The following TXNDC5 variants were observed in gnomAD, a reference collection of about 807,000 sequenced individuals.
The protein encoded by TXNDC5 is thioredoxin domain containing 5, also known as thioredoxin domain-containing protein 5.
In TXNDC5, 44 loss-of-function variants were observed where a neutral mutation model predicts 52.6. The observed-to-expected ratio is 0.84, with a 90% CI of 0.66 to 1.08. TXNDC5 has a LOEUF of 1.08. Among genes scored for constraint, TXNDC5 ranks in the 50% least tolerant of loss-of-function variants. The pLI is 0.00. For missense variants in TXNDC5, 600 were observed against 565.5 expected, an observed-to-expected ratio of 1.06 and a Z score of -0.62; for synonymous variants, 241 against 234.4, an observed-to-expected ratio of 1.03 and a Z score of -0.26.
chr6:7,887,097 C>A (rs1760008466), intron 7 of TXNDC5, among the ~76,000 whole-genome samples: 1 of 144,820 alleles, frequency 6.9e-6, no homozygotes, highest in South Asian at 2.2e-4. Flanking sequence ...ACTTCTTCAA[C>A]CAAAACGTCA....
At chr6:7,889,041 T>A in intron 6 of TXNDC5, 193 bp from the exon 7 acceptor site, 1 of 643,808 alleles carries the variant, frequency 1.6e-6, no homozygotes, top group Non-Finnish European at 2.5e-6. Context: ...GAGAGAACTG[T>A]ACAGGCCCCT....
Position 7,908,518 on chromosome 6 carries a change from TAA to T in TXNDC5, c.263+1994_263+1995del, listed in dbSNP as rs10708121. 2.9e-3 allele frequency among the ~76,000 whole-genome samples: 421 copies of T among 144,504 alleles called. 3 individuals are homozygous for T. Among genetic ancestry groups the T allele is most frequent in the African/African-American group, 6.3e-3 (250 of 39,506 alleles). 94.8% of individuals were successfully genotyped at this position (144,504 alleles called of 152,430 possible). A position where few individuals can be genotyped will look rare whatever the true frequency, so the allele number is the denominator to read the frequency against. On this transcript the variant is annotated intron_variant, in intron 1 of 9. Transcript: ENST00000379757. The stretch of plus-strand genomic sequence containing the variant: ...TTACATCTGCATGTCAGTTTTTCTT[TAA>T]AAAAAAAAAAAAAGTAAAGAATGGG...
At chr6:7,884,062 G>A (rs1294985157) in intron 9 of TXNDC5, among the ~76,000 whole-genome samples, 1 of 152,234 alleles carries the variant, frequency 6.6e-6, no homozygotes, top group African/African-American at 2.4e-5. Context: ...GAGTCGCGGT[G>A]TGGGAAGCCC....
intron 7 of TXNDC5, among the ~76,000 whole-genome samples, 169 bp from the exon 8 acceptor site, chr6:7,886,212 A>C (rs1759977469): frequency 6.6e-6 from 1 of 152,200 alleles, no homozygotes; most frequent in African/African-American, 2.4e-5. Flanking sequence ...GCTACACACA[A>C]AGGGAGGCTG....
In TXNDC5 at chr6:7,883,011, AG is replaced by A; in HGVS notation, c.*132del. ...GTTGGCTTGGAAAACACACACACAA[AG>A]AAGATACCTCACGCTTAGTATGTTC... On this transcript the variant is annotated 3_prime_UTR_variant, in exon 10 of 10. Coordinates refer to ENST00000379757, the MANE Select transcript of TXNDC5 (RefSeq NM_030810.5). 1 of 1,219,552 alleles carries A rather than the reference AG, an allele frequency of 8.2e-7. No individual in the cohort carries two copies. Among genetic ancestry groups the A allele is most frequent in the South Asian group, 1.5e-5 (1 of 67,240 alleles). 75.5% of individuals were successfully genotyped at this position (1,219,552 alleles called of 1,614,324 possible).
rs55914910 is a variant in TXNDC5 at position 7,907,165 on chromosome 6, C to CT, written c.264-2443dup. Among the ~76,000 whole-genome samples, 1,255 of 143,806 alleles carry CT rather than the reference C, an allele frequency of 8.7e-3. 7 individuals are homozygous for CT. Among genetic ancestry groups the CT allele is most frequent in the Middle Eastern group, 0.026 (7 of 272 alleles). The allele number at this position is 143,806 out of a possible 152,430, so 94.3% of individuals were successfully genotyped here. A position where few individuals can be genotyped will look rare whatever the true frequency, so the allele number is the denominator to read the frequency against. On this transcript the variant is annotated intron_variant, in intron 1 of 9. Coordinates refer to ENST00000379757, the MANE Select transcript of TXNDC5 (RefSeq NM_030810.5). ...TGTTTTGCTACTGCTTTTTTTTTCCCTTTTTTTTTTTTGAGAAAACACAAG... is the reference window on the plus strand; with the variant it reads ...TGTTTTGCTACTGCTTTTTTTTTCCCTTTTTTTTTTTTTGAGAAAACACAAG...
intron 3 of TXNDC5, among the ~76,000 whole-genome samples, chr6:7,897,794 T>G (rs911721060): frequency 1.3e-5 from 2 of 152,250 alleles, no homozygotes; most frequent in Non-Finnish European, 2.9e-5. Flanking sequence ...CTGGCTTTTT[T>G]GGTGAAATTT....
Position 7,895,198 on chromosome 6 carries a change from G to A in TXNDC5, c.524C>T (p.Pro175Leu). 1 of 1,612,204 alleles carries A rather than the reference G, an allele frequency of 6.2e-7. No individual in the cohort carries two copies. Among genetic ancestry groups the A allele is most frequent in the Non-Finnish European group, 8.5e-7 (1 of 1,179,192 alleles). ...LQTLNEEPVT[P>L]EPEVEPPSAP... ...ACTGGGCGGTTCCACTTCCGGCTCT[G>A]GTGTCTAACAGGAGGAAATAAAACA... is the stretch of plus-strand genomic sequence containing the variant. Residue 175 changes from proline (P) to leucine (L), a missense_variant, in exon 4 of 10, where the codon CCA (proline) becomes CTA (leucine). Coordinates refer to ENST00000379757, the MANE Select transcript of TXNDC5 (RefSeq NM_030810.5).
rs1346180771 is a variant in TXNDC5, at chr6:7,902,778, T to C, written c.413+1796A>G. Among the ~76,000 whole-genome samples the C allele has an allele frequency of 2.0e-5, 3 of 152,252 alleles. No homozygotes were observed. In the South Asian group the frequency reaches 6.2e-4, roughly 32 times the overall value. On this transcript the variant is annotated intron_variant, in intron 2 of 9. Transcript: ENST00000379757. ...CTTTTTAATAACACAAAACCAGCCA[T>C]GGTTTACTTGGGGAGACCAGCTCTT...
At chr6:7,885,820 T>G (rs752246018) in intron 8 of TXNDC5, 141 bp downstream of exon 8, 3 of 660,964 alleles carry the variant, frequency 4.5e-6, no homozygotes, top group Non-Finnish European at 7.5e-6. Context: ...TGATAACGGT[T>G]CCTTATTTCC....
At chr6:7,889,841 G>A (rs978061429) in intron 5 of TXNDC5, among the ~76,000 whole-genome samples, 10 of 152,188 alleles carry the variant, frequency 6.6e-5, no homozygotes, top group Non-Finnish European at 1.5e-4. Flanking sequence ...CCGGTTTTTA[G>A]GAAGCAACAT....
At position 7,890,773 on chromosome 6, in the gene TXNDC5, G is replaced by C. The variant is rs111480284; in HGVS notation, c.732+848C>G. Reference sequence around the variant, plus strand: ...TGCCCCATGCTAAGCATCACACTAAGCAGTGTACTTTCATCTGCCCAGACA... The same window carrying C: ...TGCCCCATGCTAAGCATCACACTAACCAGTGTACTTTCATCTGCCCAGACA... On this transcript the variant is annotated intron_variant, in intron 5 of 9. Coordinates refer to ENST00000379757, the MANE Select transcript of TXNDC5 (RefSeq NM_030810.5). 8.0e-3 allele frequency among the ~76,000 whole-genome samples: 1,218 copies of C among 152,258 alleles called. 12 individuals are homozygous for C. The highest frequency in any genetic ancestry group is 0.027 in the African/African-American group (1,142 of 41,552).
At position 7,882,939 on chromosome 6, in the gene TXNDC5, C is replaced by T; in HGVS notation, c.*205G>A. ...ATGTTTACACAGTGACCATGAGTTA[C>T]ACATTTACTTAGAGAAACTTAACTT... is the stretch of plus-strand genomic sequence containing the variant. On this transcript the variant is annotated 3_prime_UTR_variant, in exon 10 of 10. Transcript: ENST00000379757. 1 of 592,266 alleles carries T rather than the reference C, an allele frequency of 1.7e-6. No individual in the cohort carries two copies. 36.7% of individuals were successfully genotyped at this position (592,266 alleles called of 1,614,324 possible).
chr6:7,891,502 C>G, intron 5 of TXNDC5, 119 bp downstream of exon 5: 1 of 713,746 alleles, frequency 1.4e-6, no homozygotes, highest in Non-Finnish European at 2.3e-6. Flanking sequence ...AAGTGGCACA[C>G]TAAATGGAAT....
chr6:7,891,623 T>G lies in TXNDC5; in HGVS notation c.730A>C (p.Lys244Gln). Residue 244 changes from lysine to glutamine, a missense_variant and splice_region_variant, in exon 5 of 10, where the codon AAG becomes CAG. Lys to Gln is a moderately conservative substitution (Grantham distance 53). Transcript: ENST00000379757. ...GTTTAATAAGGGCTTTCACTCACCT[T>G]GCCAATCTTGACAGTTTCGGAATGT... is the stretch of plus-strand genomic sequence containing the variant. Reference protein sequence around the residue: ...LEHSETVKIGKVDCTQHYELC... With the variant: ...LEHSETVKIGQVDCTQHYELC... 6.2e-7 allele frequency: 1 copy of G among 1,613,566 alleles called. No individual in the cohort carries two copies. Among genetic ancestry groups the G allele is most frequent in the Admixed American group, 1.7e-5 (1 of 60,016 alleles).
chr6:7,885,375 A>T (rs746137485), intron 8 of TXNDC5, among the ~76,000 whole-genome samples: 15 of 152,316 alleles, frequency 9.8e-5, no homozygotes, highest in Non-Finnish European at 1.6e-4. Context: ...ATCCAAGTTT[A>T]CTATACAGTC....
intron 5 of TXNDC5, among the ~76,000 whole-genome samples, chr6:7,890,336 T>C (rs1437759550): frequency 6.6e-6 from 1 of 151,994 alleles, no homozygotes; most frequent in African/African-American, 2.4e-5. Context: ...CTAAGACCCG[T>C]CAGAGAGCAG....
At chr6:7,889,772 G>C (rs922241095) in intron 5 of TXNDC5, among the ~76,000 whole-genome samples, 191 bp from the exon 6 acceptor site, 1 of 152,230 alleles carries the variant, frequency 6.6e-6, no homozygotes, top group African/African-American at 2.4e-5. Context: ...TGAGCTAAAA[G>C]GAGTAAAGGA....
chr6:7,902,214 C>A (rs1173390588), intron 2 of TXNDC5, among the ~76,000 whole-genome samples: 2 of 152,164 alleles, frequency 1.3e-5, no homozygotes, highest in African/African-American at 4.8e-5. Flanking sequence ...CCTCTGGCCT[C>A]CAGGACTGCA....
Sources: gnomAD v4.1 joint callset for allele counts (sites outside exome capture counted in the v4.1 genomes callset) on GRCh38, gnomAD v4.1.1 for gene constraint, MANE v1.5 for transcripts, NCBI Gene and HGNC (gene_info 2026-07-23, HGNC 2026-07-21) for gene names.